ELOVL6: variants seen among roughly 807,000 people sequenced by gnomAD.
ELOVL6 encodes the protein ELOVL fatty acid elongase 6, also known as very long chain fatty acid elongase 6.
ELOVL6 carries 8 observed loss-of-function variants against 31.7 expected under a neutral mutation model. The observed-to-expected ratio is 0.25, with a 90% CI of 0.15 to 0.45. The LOEUF is 0.45. Among genes scored for constraint, ELOVL6 ranks in the 20% least tolerant of loss-of-function variants. The pLI is 1.00. For missense variants in ELOVL6, 126 were observed against 326.4 expected (o/e 0.39, Z 4.73); for synonymous variants, 101 against 117.7 (o/e 0.86, Z 0.92).
At chr4:110,095,884 A>G (rs1205265145) in intron 2 of ELOVL6, among the ~76,000 whole-genome samples, 2 of 152,228 alleles carry the variant, frequency 1.3e-5, no homozygotes, top group African/African-American at 4.8e-5. Context: ...ATTTGCATAC[A>G]TAACTTAGAA....
At chr4:110,110,543 C>T (rs2126248773) in intron 1 of ELOVL6, among the ~76,000 whole-genome samples, 1 of 151,608 alleles carries the variant, frequency 6.6e-6, no homozygotes, top group South Asian at 2.1e-4. Context: ...GGGTAGCTGG[C>T]ACTACAGGTG....
intron 1 of ELOVL6, among the ~76,000 whole-genome samples, chr4:110,183,305 C>A (rs1478305168): frequency 6.6e-6 from 1 of 152,188 alleles, no homozygotes; most frequent in Non-Finnish European, 1.5e-5. Context: ...AACTGCCAAT[C>A]AGAAAATATT....
intron 2 of ELOVL6, among the ~76,000 whole-genome samples, chr4:110,063,397 G>T (rs1755202425): frequency 6.6e-6 from 1 of 151,448 alleles, no homozygotes; most frequent in Non-Finnish European, 1.5e-5. Flanking sequence ...GTTGGCCAGA[G>T]CGTGGGGTCA....
intron 1 of ELOVL6, among the ~76,000 whole-genome samples, chr4:110,155,640 C>T (rs1283432270): frequency 2.0e-5 from 3 of 152,086 alleles, no homozygotes; most frequent in Non-Finnish European, 2.9e-5. Flanking sequence ...GTTCATATAT[C>T]CATATCTAGA....
intron 2 of ELOVL6, among the ~76,000 whole-genome samples, chr4:110,092,320 G>C (rs2126240123): frequency 6.6e-6 from 1 of 152,266 alleles, no homozygotes; most frequent in East Asian, 1.9e-4. Context: ...TTTCAGGAAA[G>C]AACTGTCAAT....
At chr4:110,090,599 T>C (rs111669122) in intron 2 of ELOVL6, among the ~76,000 whole-genome samples, 37 of 134,600 alleles carry the variant, frequency 2.7e-4, no homozygotes, top group African/African-American at 1.1e-3. Flanking sequence ...AGTTTGACTT[T>C]CTTTTTTTTT....
intron 1 of ELOVL6, chr4:110,117,964 T>G (rs1326143944): frequency 2.6e-5 from 3 of 114,692 alleles, no homozygotes; most frequent in African/African-American, 9.0e-5. Context: ...CTTTTTTTTT[T>G]TTTTTTCTTT....
chr4:110,101,875 A>T (rs1180607674), intron 2 of ELOVL6, among the ~76,000 whole-genome samples: 1 of 152,124 alleles, frequency 6.6e-6, no homozygotes, highest in African/African-American at 2.4e-5. Context: ...GGGTTTTGTC[A>T]TGTTGCCCAG....
intron 1 of ELOVL6, among the ~76,000 whole-genome samples, chr4:110,122,597 C>T (rs913970252): frequency 6.6e-6 from 1 of 152,130 alleles, no homozygotes; most frequent in Admixed American, 6.5e-5. Flanking sequence ...AGCCTGGTCT[C>T]AAACTCCTGA....
chr4:110,132,707 G>A (rs7689465), intron 1 of ELOVL6, among the ~76,000 whole-genome samples: 17,316 of 152,030 alleles, frequency 0.11, 1,380 homozygotes, highest in African/African-American at 0.23. Context: ...GAGTGTGGTC[G>A]TGTGTGGCTG....
At chr4:110,171,999 C>A (rs1758963324) in intron 1 of ELOVL6, among the ~76,000 whole-genome samples, 1 of 152,050 alleles carries the variant, frequency 6.6e-6, no homozygotes, top group Admixed American at 6.6e-5. Context: ...TTATAACATC[C>A]TTTATAATAA....
chr4:110,193,202 T>C (rs1578294078), intron 1 of ELOVL6, among the ~76,000 whole-genome samples: 1 of 152,394 alleles, frequency 6.6e-6, no homozygotes, highest in African/African-American at 2.4e-5. Flanking sequence ...TTGAGTTAAA[T>C]GCTAACACAG....
chr4:110,102,860 T>A (rs1036795726), intron 2 of ELOVL6, among the ~76,000 whole-genome samples: 2 of 129,790 alleles, frequency 1.5e-5, no homozygotes, highest in Non-Finnish European at 3.1e-5. Flanking sequence ...TTCAGCTGGG[T>A]CCCCACCAAA....
chr4:110,146,063 C>T (rs1304954599), intron 1 of ELOVL6, among the ~76,000 whole-genome samples: 1 of 152,036 alleles, frequency 6.6e-6, no homozygotes, highest in Non-Finnish European at 1.5e-5. Flanking sequence ...GCAAAAAGAA[C>T]AAAGCTGGAG....
intron 1 of ELOVL6, among the ~76,000 whole-genome samples, chr4:110,116,794 T>C (rs1757180391): frequency 6.6e-6 from 1 of 152,236 alleles, no homozygotes; most frequent in East Asian, 1.9e-4. Context: ...TCTATAAAGA[T>C]AGGTTTCTAT....
At chr4:110,080,670 G>C (rs912964197) in intron 2 of ELOVL6, among the ~76,000 whole-genome samples, 5 of 152,160 alleles carry the variant, frequency 3.3e-5, no homozygotes, top group African/African-American at 9.7e-5. Flanking sequence ...CATTCCCTTT[G>C]AAAACTGGCA....
intron 2 of ELOVL6, among the ~76,000 whole-genome samples, chr4:110,079,905 G>A (rs1269294508): frequency 6.6e-6 from 1 of 151,800 alleles, no homozygotes; most frequent in East Asian, 1.9e-4. Flanking sequence ...ATGATAAAGG[G>A]GATATCACCA....
At chr4:110,085,914 G>A (rs984264808) in intron 2 of ELOVL6, among the ~76,000 whole-genome samples, 3 of 152,046 alleles carry the variant, frequency 2.0e-5, no homozygotes, top group African/African-American at 4.8e-5. Context: ...ATGGGGTTTC[G>A]CCATGTTGCG....
chr4:110,192,439 T>C (rs908740718), intron 1 of ELOVL6, among the ~76,000 whole-genome samples: 4 of 152,136 alleles, frequency 2.6e-5, no homozygotes, highest in Admixed American at 2.0e-4. Flanking sequence ...TCCAATGTTA[T>C]ACACTTTGAC....
Sources: gnomAD v4.1 joint callset for allele counts (sites outside exome capture counted in the v4.1 genomes callset) on GRCh38, gnomAD v4.1.1 for gene constraint, MANE v1.5 for transcripts, NCBI Gene and HGNC (gene_info 2026-07-23, HGNC 2026-07-21) for gene names.